Variants in SBF2 observed in about 807,000 individuals in gnomAD.
The protein encoded by SBF2 is SET binding factor 2.
In SBF2, 112 loss-of-function variants were observed where a neutral mutation model predicts 225.2. The observed-to-expected ratio is 0.50, with a 90% CI of 0.43 to 0.58. The LOEUF (loss-of-function observed/expected upper bound fraction) is 0.58. Ranked by LOEUF, SBF2 falls within the 20% of genes least tolerant of loss-of-function variation. The pLI, the probability that SBF2 is intolerant of heterozygous loss-of-function variation, is 0.00. For missense variants in SBF2, 1,996 were observed against 2,206.2 expected, an observed-to-expected ratio of 0.90 and a Z score of 1.91; for synonymous variants, 763 against 773.3, an observed-to-expected ratio of 0.99 and a Z score of 0.22.
intron 2 of SBF2, among the ~76,000 whole-genome samples, chr11:10,087,494 A>C (rs1448026524): frequency 1.3e-5 from 2 of 152,206 alleles, no homozygotes; most frequent in Non-Finnish European, 2.9e-5. Context: ...AAATATTCCA[A>C]ATGACTGAGA....
At chr11:9,920,608 G>C (rs1863542032) in intron 16 of SBF2, among the ~76,000 whole-genome samples, 2 of 152,144 alleles carry the variant, frequency 1.3e-5, no homozygotes, top group Admixed American at 1.3e-4. Context: ...CATGTGAGAA[G>C]AGACATTAAT....
intron 6 of SBF2, among the ~76,000 whole-genome samples, chr11:10,013,252 T>C (rs890310456): frequency 1.3e-5 from 2 of 152,226 alleles, no homozygotes; most frequent in African/African-American, 4.8e-5. Flanking sequence ...CTGGTTTCAA[T>C]ACTTTTACCG....
chr11:10,096,093 C>A (rs1952008634), intron 2 of SBF2, among the ~76,000 whole-genome samples: 2 of 152,002 alleles, frequency 1.3e-5, no homozygotes, highest in South Asian at 4.1e-4. Flanking sequence ...TACAAATAAA[C>A]CATGCCACAC....
chr11:10,019,025 C>G (rs1948748872), intron 6 of SBF2, among the ~76,000 whole-genome samples: 2 of 151,968 alleles, frequency 1.3e-5, no homozygotes, highest in Non-Finnish European at 2.9e-5. Flanking sequence ...TATTATTGTG[C>G]TAATTATATT....
chr11:10,280,569 C>A (rs76000369), intron 1 of SBF2, among the ~76,000 whole-genome samples: 3,217 of 152,278 alleles, frequency 0.021, 87 homozygotes, highest in African/African-American at 0.063. Flanking sequence ...GAAGAATAGG[C>A]ATTCAAAGTT....
intron 32 of SBF2, among the ~76,000 whole-genome samples, chr11:9,805,685 G>A (rs1269158958): frequency 6.6e-6 from 1 of 152,088 alleles, no homozygotes; most frequent in Non-Finnish European, 1.5e-5. Flanking sequence ...TGCAGTGGGG[G>A]CTTCTCAGCT....
chr11:10,168,850 G>C (rs1256905786), intron 2 of SBF2, among the ~76,000 whole-genome samples: 1 of 152,092 alleles, frequency 6.6e-6, no homozygotes, highest in Non-Finnish European at 1.5e-5. Context: ...ACTGCATAAG[G>C]AAAAAGAAAG....
At chr11:9,789,399 C>CT in intron 34 of SBF2, 57 bp from the exon 35 acceptor site, 1 of 1,299,686 alleles carries the variant, frequency 7.7e-7, no homozygotes, top group South Asian at 1.2e-5. Flanking sequence ...CCCAAGCTCA[C>CT]TGTCAGGCAA....
chr11:10,207,452 C>A (rs1032803908), intron 1 of SBF2, among the ~76,000 whole-genome samples: 1 of 152,094 alleles, frequency 6.6e-6, no homozygotes, highest in Non-Finnish European at 1.5e-5. Context: ...CTTCTCCAGT[C>A]CAATAGCTGG....
chr11:9,795,419 C>G (rs958580676), intron 33 of SBF2, among the ~76,000 whole-genome samples: 1 of 152,116 alleles, frequency 6.6e-6, no homozygotes, highest in African/African-American at 2.4e-5. Flanking sequence ...CCAAAATACT[C>G]AGTTGGTAAC....
Position 9,926,857 on chromosome 11 carries a change from T to C in SBF2, c.1861-30846A>G, listed in dbSNP as rs376457510. 3.8e-3 allele frequency among the ~76,000 whole-genome samples: 576 copies of C among 152,174 alleles called. 3 individuals carry two copies. Among genetic ancestry groups the C allele is most frequent in the South Asian group, 5.0e-3 (24 of 4,816 alleles). ...TTAAGAAAATGGACAAAGAGCTAAT[T>C]AAATATAAAGTAAGTAGAAGAAAGG... is the stretch of plus-strand genomic sequence containing the variant. On this transcript the variant is annotated intron_variant, in intron 16 of 39. Coordinates refer to ENST00000256190, the MANE Select transcript of SBF2 (RefSeq NM_030962.4).
At chr11:10,144,014 C>T (rs529190386) in intron 2 of SBF2, among the ~76,000 whole-genome samples, 4 of 152,258 alleles carry the variant, frequency 2.6e-5, no homozygotes, top group Admixed American at 6.5e-5. Context: ...CCACTGTGCC[C>T]GGCCCAACAA....
chr11:9,988,014 AACTAT>A (rs1425734961), intron 13 of SBF2, among the ~76,000 whole-genome samples: 1 of 152,246 alleles, frequency 6.6e-6, no homozygotes, highest in East Asian at 1.9e-4. Context: ...CCTGATTTCA[AACTAT>A]ACTATAAGGC....
At chr11:10,212,490 C>A (rs1334611046) in intron 1 of SBF2, among the ~76,000 whole-genome samples, 1 of 152,172 alleles carries the variant, frequency 6.6e-6, no homozygotes, top group Non-Finnish European at 1.5e-5. Flanking sequence ...ATCACAAGGT[C>A]CTTCCTTAAA....
At chr11:10,228,570 G>A (rs1222968227) in intron 1 of SBF2, among the ~76,000 whole-genome samples, 3 of 152,168 alleles carry the variant, frequency 2.0e-5, no homozygotes, top group Non-Finnish European at 4.4e-5. Flanking sequence ...TGCATCTATT[G>A]AGATAATCAT....
chr11:10,108,635 C>T (rs1327023611), intron 2 of SBF2, among the ~76,000 whole-genome samples: 7 of 149,402 alleles, frequency 4.7e-5, no homozygotes, highest in Non-Finnish European at 7.4e-5. Flanking sequence ...TGCCATTCTC[C>T]TGCCTCAGCC....
At chr11:10,003,138 T>C (rs935073143) in intron 6 of SBF2, among the ~76,000 whole-genome samples, 4 of 152,344 alleles carry the variant, frequency 2.6e-5, no homozygotes, top group South Asian at 4.1e-4. Flanking sequence ...CATACACAAA[T>C]GCTCCGCAAT....
At chr11:9,853,737 A>C (rs1857124412) in intron 19 of SBF2, 25 bp from the exon 20 acceptor site, 1 of 1,609,246 alleles carries the variant, frequency 6.2e-7, no homozygotes, top group African/African-American at 1.3e-5. Flanking sequence ...GAAAGAAATC[A>C]TGGTCAGTAC....
At chr11:10,252,626 C>T (rs1960470300) in intron 1 of SBF2, among the ~76,000 whole-genome samples, 1 of 152,222 alleles carries the variant, frequency 6.6e-6, no homozygotes, top group East Asian at 1.9e-4. Context: ...CTGACTAACA[C>T]GGTGAAACCC....
Sources: allele counts gnomAD v4.1 joint callset (sites outside exome capture counted in the v4.1 genomes callset), GRCh38; gene constraint gnomAD v4.1.1; transcripts MANE v1.5; gene names NCBI Gene and HGNC (gene_info 2026-07-23, HGNC 2026-07-21).